FBN1: variants seen among roughly 807,000 people sequenced by gnomAD.
FBN1 encodes the protein fibrillin 1, also known as fibrillin-1.
FBN1 carries 29 observed loss-of-function variants against 365.1 expected under a neutral mutation model. That is an observed-to-expected ratio of 0.08 (90% confidence interval 0.06 to 0.11). The LOEUF is 0.11. Among genes scored for constraint, FBN1 ranks in the 10% least tolerant of loss-of-function variants. The pLI is 1.00. For missense variants in FBN1, 2,476 were observed against 3,703.2 expected (o/e 0.67, Z 8.60); for synonymous variants, 1,210 against 1,270.5 (o/e 0.95, Z 1.01).
At chr15:48,519,917 CT>C (rs1238359467) in intron 10 of FBN1, among the ~76,000 whole-genome samples, 1 of 152,152 alleles carries the variant, frequency 6.6e-6, no homozygotes, top group Non-Finnish European at 1.5e-5. Context: ...TTTTGGACAT[CT>C]TTCTCGACTA....
At chr15:48,497,744 C>G (rs1009639920) in intron 18 of FBN1, among the ~76,000 whole-genome samples, 1 of 152,170 alleles carries the variant, frequency 6.6e-6, no homozygotes, top group Non-Finnish European at 1.5e-5. Flanking sequence ...TCCCTACCAC[C>G]AGCCCCTCTT....
intron 56 of FBN1, among the ~76,000 whole-genome samples, 155 bp downstream of exon 56, chr15:48,430,516 A>G (rs561373653): frequency 4.6e-5 from 7 of 152,344 alleles, no homozygotes; most frequent in Middle Eastern, 3.4e-3. Context: ...AATGATCACG[A>G]GGCAAGGGAA....
chr15:48,502,385 C>T (rs189134817), intron 17 of FBN1, among the ~76,000 whole-genome samples: 98 of 152,234 alleles, frequency 6.4e-4, no homozygotes, highest in African/African-American at 2.3e-3. Context: ...CTTTCTCTAA[C>T]TTTTCATAGT....
chr15:48,512,776 T>C (rs1379399151), intron 13 of FBN1, among the ~76,000 whole-genome samples: 1 of 152,060 alleles, frequency 6.6e-6, no homozygotes, highest in East Asian at 1.9e-4. Context: ...GTTTTTTTTT[T>C]CTGTCTTTAC....
chr15:48,463,014 G>C, intron 42 of FBN1, 68 bp downstream of exon 42: 3 of 1,492,904 alleles, frequency 2.0e-6, no homozygotes, highest in Admixed American at 1.7e-5. Flanking sequence ...CGCTAAGACT[G>C]ATTTCCCCAA....
intron 2 of FBN1, among the ~76,000 whole-genome samples, chr15:48,631,438 G>A (rs1566942216): frequency 6.6e-6 from 1 of 152,158 alleles, no homozygotes; most frequent in Non-Finnish European, 1.5e-5. Context: ...GAATACTGAC[G>A]CTATGGAAAA....
intron 7 of FBN1, among the ~76,000 whole-genome samples, chr15:48,536,117 AAACAAC>A (rs143695848): frequency 2.2e-4 from 32 of 148,508 alleles, no homozygotes; most frequent in South Asian, 8.3e-4. Flanking sequence ...CTCTTAGAAA[AAACAAC>A]AACAACAACA....
At chr15:48,644,050 C>T (rs1890244750) in intron 2 of FBN1, 1 of 155,534 alleles carries the variant, frequency 6.4e-6, no homozygotes, top group Admixed American at 6.2e-5. Flanking sequence ...GTTCTCAGAA[C>T]CACTTGCCCT....
intron 27 of FBN1, 22 bp from the exon 28 acceptor site, chr15:48,487,459 G>A: frequency 6.2e-7 from 1 of 1,612,732 alleles, no homozygotes; most frequent in South Asian, 1.1e-5. Context: ...AAATGACCAT[G>A]TTAAAGGTGG....
intron 9 of FBN1, among the ~76,000 whole-genome samples, chr15:48,525,072 C>A (rs1391683387): frequency 6.6e-6 from 1 of 150,400 alleles, no homozygotes; most frequent in South Asian, 2.1e-4. Flanking sequence ...ATTATTAAAT[C>A]CAGCAGCTGT....
chr15:48,623,145 C>T (rs1054016215), intron 2 of FBN1, among the ~76,000 whole-genome samples: 1 of 151,976 alleles, frequency 6.6e-6, no homozygotes, highest in Non-Finnish European at 1.5e-5. Context: ...TAGAAGCACA[C>T]AAGATAATAT....
At chr15:48,502,308 A>G (rs184282431) in intron 17 of FBN1, among the ~76,000 whole-genome samples, 22 of 152,322 alleles carry the variant, frequency 1.4e-4, no homozygotes, top group African/African-American at 4.6e-4. Context: ...GGCCTCCCAT[A>G]GTGCTGGGAT....
chr15:48,487,577 C>T (rs544657248), intron 27 of FBN1, 140 bp from the exon 28 acceptor site: 11 of 1,207,072 alleles, frequency 9.1e-6, no homozygotes, highest in African/African-American at 7.4e-5. Flanking sequence ...GCTATTCATA[C>T]ACCAGATCTC....
At chr15:48,525,986 G>T in intron 9 of FBN1, 144 bp downstream of exon 9, 1 of 1,079,502 alleles carries the variant, frequency 9.3e-7, no homozygotes, top group Non-Finnish European at 1.4e-6. Context: ...TAAGAGGGCA[G>T]TCAACTGTTT....
intron 45 of FBN1, among the ~76,000 whole-genome samples, chr15:48,450,010 A>G (rs534857671): frequency 1.1e-4 from 17 of 152,336 alleles, no homozygotes; most frequent in Admixed American, 3.3e-4. Flanking sequence ...TTCCAAGTGA[A>G]GTGGAGTATA....
At chr15:48,449,727 T>G (rs545908335) in intron 45 of FBN1, among the ~76,000 whole-genome samples, 4 of 152,332 alleles carry the variant, frequency 2.6e-5, no homozygotes, top group African/African-American at 7.2e-5. Flanking sequence ...CATTCTGATT[T>G]TCCTACTGTC....
At chr15:48,522,375 AAATGT>A (rs1484602788) in intron 9 of FBN1, among the ~76,000 whole-genome samples, 3 of 152,158 alleles carry the variant, frequency 2.0e-5, no homozygotes, top group Admixed American at 1.3e-4. Context: ...AGTGCACAAT[AAATGT>A]AATGTACTTG....
intron 6 of FBN1, among the ~76,000 whole-genome samples, chr15:48,542,419 CTT>C (rs2044064478): frequency 2.0e-5 from 3 of 152,174 alleles, no homozygotes; most frequent in African/African-American, 7.2e-5. Flanking sequence ...TCACAGCACA[CTT>C]ATTTCTCCCA....
At chr15:48,425,903 A>G (rs2042976582) in intron 58 of FBN1, 39 bp from the exon 59 acceptor site, 1 of 1,510,920 alleles carries the variant, frequency 6.6e-7, no homozygotes, top group African/African-American at 1.4e-5. Context: ...ATATATCATA[A>G]AATTGACAAC....
Sources: allele counts gnomAD v4.1 joint callset (sites outside exome capture counted in the v4.1 genomes callset), GRCh38; gene constraint gnomAD v4.1.1; transcripts MANE v1.5; gene names NCBI Gene and HGNC (gene_info 2026-07-23, HGNC 2026-07-21).